Variants in LRP1B observed in about 807,000 individuals in gnomAD.
LRP1B encodes LDL receptor related protein 1B, also known as low-density lipoprotein receptor-related protein 1B.
Under a neutral mutation model 556.6 loss-of-function variants are expected in LRP1B, and 217 were observed. The observed-to-expected ratio is 0.39, with a 90% CI of 0.35 to 0.44. The LOEUF (loss-of-function observed/expected upper bound fraction) is 0.44. Among genes scored for constraint, LRP1B ranks in the 20% least tolerant of loss-of-function variants. LRP1B has a pLI of 1.00. For synonymous variants in LRP1B, 2,047 were observed against 1,865.8 expected (o/e 1.10, Z -2.50); for missense variants, 5,053 against 5,620.8 (o/e 0.90, Z 3.23).
chr2:140,265,765 C>A (rs775891523), intron 86 of LRP1B, among the ~76,000 whole-genome samples: 2 of 151,982 alleles, frequency 1.3e-5, no homozygotes, highest in African/African-American at 2.4e-5. Context: ...AATTGAGATC[C>A]GTGACTAAAA....
At chr2:142,050,906 G>A (rs1704432966) in intron 1 of LRP1B, among the ~76,000 whole-genome samples, 1 of 151,984 alleles carries the variant, frequency 6.6e-6, no homozygotes. Flanking sequence ...GAGTCTACCA[G>A]ACAAATAAAT....
At chr2:141,415,083 T>C (rs1382586157) in intron 3 of LRP1B, among the ~76,000 whole-genome samples, 6 of 152,186 alleles carry the variant, frequency 3.9e-5, no homozygotes, top group Admixed American at 6.5e-5. Context: ...GGCGCTATCT[T>C]GGCTCACTGC....
intron 2 of LRP1B, among the ~76,000 whole-genome samples, chr2:141,520,659 CCT>C: frequency 6.6e-6 from 1 of 152,010 alleles, no homozygotes; most frequent in East Asian, 1.9e-4. Context: ...GGTAAATTCA[CCT>C]CTGTTTCATG....
chr2:141,166,379 T>TG (rs1280555810), intron 7 of LRP1B, among the ~76,000 whole-genome samples: 1 of 151,254 alleles, frequency 6.6e-6, no homozygotes, highest in Non-Finnish European at 1.5e-5. Flanking sequence ...TTTTTTTTTT[T>TG]TTTTTACATT....
intron 3 of LRP1B, among the ~76,000 whole-genome samples, chr2:141,261,382 G>T (rs1045743214): frequency 3.9e-5 from 6 of 152,032 alleles, no homozygotes; most frequent in Admixed American, 3.9e-4. Flanking sequence ...TTTAAATTCA[G>T]CAAAATTCAT....
At chr2:141,695,690 T>C (rs541159129) in intron 2 of LRP1B, among the ~76,000 whole-genome samples, 2 of 151,980 alleles carry the variant, frequency 1.3e-5, no homozygotes, top group South Asian at 4.2e-4. Flanking sequence ...ATATATCCCC[T>C]TAATAATTTA....
chr2:140,598,536 A>G, intron 43 of LRP1B, 95 bp downstream of exon 43: 1 of 892,256 alleles, frequency 1.1e-6, no homozygotes, highest in African/African-American at 1.7e-5. Flanking sequence ...CTATTTTGAA[A>G]TTCCTTGATA....
intron 3 of LRP1B, among the ~76,000 whole-genome samples, chr2:141,465,112 G>T (rs1682130608): frequency 6.6e-6 from 1 of 151,494 alleles, no homozygotes; most frequent in African/African-American, 2.4e-5. Context: ...AAAACAGAAA[G>T]AAAGTATACA....
intron 7 of LRP1B, among the ~76,000 whole-genome samples, chr2:141,091,916 AC>A (rs1285950308): frequency 3.9e-5 from 6 of 152,142 alleles, no homozygotes; most frequent in Non-Finnish European, 5.9e-5. Context: ...TTAACCCATC[AC>A]CACTATGACT....
intron 7 of LRP1B, among the ~76,000 whole-genome samples, chr2:141,110,327 A>T (rs1162479582): frequency 6.6e-6 from 1 of 152,216 alleles, no homozygotes; most frequent in African/African-American, 2.4e-5. Context: ...AAAAAAATGC[A>T]TAATATATTA....
At chr2:140,838,913 G>T (rs1000446685) in intron 31 of LRP1B, among the ~76,000 whole-genome samples, 3 of 152,076 alleles carry the variant, frequency 2.0e-5, no homozygotes, top group East Asian at 3.9e-4. Flanking sequence ...TATTCTAAGA[G>T]AATTTTTATA....
chr2:141,278,429 G>A (rs1318523999), intron 3 of LRP1B, among the ~76,000 whole-genome samples: 1 of 152,102 alleles, frequency 6.6e-6, no homozygotes, highest in East Asian at 1.9e-4. Context: ...TTTGTACTAT[G>A]CCACGTTAGA....
At chr2:141,520,776 G>C (rs1025440124) in intron 2 of LRP1B, among the ~76,000 whole-genome samples, 3 of 152,082 alleles carry the variant, frequency 2.0e-5, no homozygotes, top group African/African-American at 7.2e-5. Context: ...ACACCTTCAA[G>C]AGGGCTGTTT....
At chr2:141,988,684 A>G (rs1021238632) in intron 1 of LRP1B, among the ~76,000 whole-genome samples, 3 of 152,024 alleles carry the variant, frequency 2.0e-5, no homozygotes, top group Non-Finnish European at 4.4e-5. Flanking sequence ...CATAGATCTG[A>G]AGATATTTGC....
intron 31 of LRP1B, among the ~76,000 whole-genome samples, chr2:140,821,373 C>A (rs1691323818): frequency 6.6e-6 from 1 of 152,108 alleles, no homozygotes; most frequent in Non-Finnish European, 1.5e-5. Flanking sequence ...TTGTCACCTC[C>A]TCCGGCTTCT....
At chr2:141,989,715 C>T (rs1452219988) in intron 1 of LRP1B, among the ~76,000 whole-genome samples, 2 of 151,980 alleles carry the variant, frequency 1.3e-5, no homozygotes, top group African/African-American at 2.4e-5. Context: ...ATAATGGCTT[C>T]CCCTTTCACT....
At chr2:140,415,126 C>A (rs1685132555) in intron 66 of LRP1B, among the ~76,000 whole-genome samples, 1 of 152,064 alleles carries the variant, frequency 6.6e-6, no homozygotes, top group Non-Finnish European at 1.5e-5. Flanking sequence ...AAAACTCTGC[C>A]CTGGTAAATT....
At chr2:141,187,604 C>T (rs759754580) in intron 7 of LRP1B, among the ~76,000 whole-genome samples, 2 of 152,022 alleles carry the variant, frequency 1.3e-5, no homozygotes, top group Non-Finnish European at 2.9e-5. Context: ...CCAGTAGTGA[C>T]TGCTGAAAGA....
At chr2:140,267,269 C>T (rs968599732) in intron 86 of LRP1B, among the ~76,000 whole-genome samples, 10 of 151,976 alleles carry the variant, frequency 6.6e-5, no homozygotes, top group Admixed American at 2.6e-4. Flanking sequence ...ACAATAACAG[C>T]GTAATTCTTC....
Sources: gnomAD v4.1 joint callset for allele counts (sites outside exome capture counted in the v4.1 genomes callset) on GRCh38, gnomAD v4.1.1 for gene constraint, MANE v1.5 for transcripts, NCBI Gene and HGNC (gene_info 2026-07-23, HGNC 2026-07-21) for gene names.